Variants in ZNF568 observed in about 807,000 individuals in gnomAD.
The protein encoded by ZNF568 is p53 inhibitor of SCO2 activation.
A neutral mutation model predicts 18.1 loss-of-function variants in ZNF568; 11 were observed. That is an observed-to-expected ratio of 0.61 (90% CI 0.38 to 1.00). The LOEUF (loss-of-function observed/expected upper bound fraction) is 1.00. Ranked by LOEUF, ZNF568 falls within the 50% of genes least tolerant of loss-of-function variation. The probability of loss-of-function intolerance (pLI) is 0.01; values close to 1 mark genes in which losing one functional copy is unlikely to be tolerated. For synonymous variants in ZNF568, 213 were observed against 246.6 expected, an observed-to-expected ratio of 0.86 and a Z score of 1.28; for missense variants, 639 against 768.2, an observed-to-expected ratio of 0.83 and a Z score of 1.99.
intron 4 of ZNF568, among the ~76,000 whole-genome samples, chr19:36,935,248 C>T (rs185547444): frequency 6.6e-6 from 1 of 151,970 alleles, no homozygotes; most frequent in African/African-American, 2.4e-5. Context: ...TATAATCTGC[C>T]TAGTTGTATC....
intron 6 of ZNF568, among the ~76,000 whole-genome samples, chr19:36,974,235 C>G (rs1476538250): frequency 1.3e-5 from 2 of 152,134 alleles, no homozygotes; most frequent in African/African-American, 4.8e-5. Context: ...GGGGCTCTCC[C>G]AGGACTTCTC....
intron 4 of ZNF568, among the ~76,000 whole-genome samples, chr19:36,927,858 GTGTA>G (rs1349255642): frequency 9.8e-5 from 3 of 30,718 alleles, no homozygotes; most frequent in African/African-American, 1.8e-4. Context: ...GTGTGTGTGT[GTGTA>G]TATATATATA....
chr19:36,996,983 C>T (rs768432083), exon 5 of ZNF568: 6 of 1,544,386 alleles, frequency 3.9e-6, no homozygotes, highest in Non-Finnish European at 3.5e-6. Context: ...TGTGGGAAGG[C>T]CTTTACCCGT....
At chr19:36,978,953 T>C in intron 7 of ZNF568, 2 of 351,836 alleles carry the variant, frequency 5.7e-6, no homozygotes, top group South Asian at 2.1e-5. Flanking sequence ...GTATCTCTTA[T>C]AGTCGTTTTC....
At chr19:36,955,577 C>T (rs1330689079), downstream of ZNF568, among the ~76,000 whole-genome samples, 1 of 152,126 alleles carries the variant, frequency 6.6e-6, no homozygotes, top group African/African-American at 2.4e-5. Context: ...CTGAGACAGA[C>T]TTTGAAAAAA....
chr19:36,956,142 G>A (rs2074105442), downstream of ZNF568, among the ~76,000 whole-genome samples: 1 of 152,218 alleles, frequency 6.6e-6, no homozygotes, highest in Non-Finnish European at 1.5e-5. Flanking sequence ...GTGTCATCCT[G>A]ATCCCTGTGG....
intron 6 of ZNF568, among the ~76,000 whole-genome samples, chr19:36,957,780 T>C (rs867879053): frequency 3.9e-5 from 6 of 152,328 alleles, no homozygotes; most frequent in East Asian, 3.9e-4. Context: ...TCAAAGGCCA[T>C]GAAAGTACTG....
intron 6 of ZNF568, among the ~76,000 whole-genome samples, chr19:36,944,980 C>A (rs1322121350): frequency 1.3e-5 from 2 of 151,618 alleles, no homozygotes; most frequent in African/African-American, 2.4e-5. Context: ...AGGCTTGTTT[C>A]CAATTTTTTT....
At chr19:36,969,129 A>G (rs549170250) in intron 6 of ZNF568, among the ~76,000 whole-genome samples, 315 of 152,262 alleles carry the variant, frequency 2.1e-3, no homozygotes, top group Non-Finnish European at 3.7e-3. Flanking sequence ...TGCTGGGATT[A>G]CAGGTGTGAG....
chr19:36,982,250 C>G (rs892498088), downstream of ZNF568, among the ~76,000 whole-genome samples: 1 of 152,170 alleles, frequency 6.6e-6, no homozygotes, highest in African/African-American at 2.4e-5. Flanking sequence ...CTGTCTTATT[C>G]ACAGTTTTAG....
At chr19:36,946,028 G>A (rs745438925) in intron 6 of ZNF568, among the ~76,000 whole-genome samples, 1 of 151,996 alleles carries the variant, frequency 6.6e-6, no homozygotes, top group Non-Finnish European at 1.5e-5. Context: ...CCGGGAGGCG[G>A]AGGTTGCAGT....
At chr19:36,945,700 G>A (rs746632762) in intron 6 of ZNF568, among the ~76,000 whole-genome samples, 2 of 151,198 alleles carry the variant, frequency 1.3e-5, no homozygotes, top group Middle Eastern at 3.4e-3. Flanking sequence ...TGATATATGC[G>A]TGTATATGTA....
chr19:36,945,365 G>A (rs1042004446), intron 6 of ZNF568, among the ~76,000 whole-genome samples: 3 of 151,882 alleles, frequency 2.0e-5, no homozygotes, highest in East Asian at 1.9e-4. Context: ...CAGCAAGACC[G>A]ACCTCCTCCT....
chr19:36,946,654 T>G (rs1478112954), intron 6 of ZNF568, among the ~76,000 whole-genome samples: 223 of 144,422 alleles, frequency 1.5e-3, no homozygotes, highest in African/African-American at 4.9e-3. Flanking sequence ...GTTTCCTTTT[T>G]TTTTTTTTTT....
intron 4 of ZNF568, among the ~76,000 whole-genome samples, chr19:36,925,787 A>G (rs2073542652): frequency 6.6e-6 from 1 of 152,182 alleles, no homozygotes; most frequent in Non-Finnish European, 1.5e-5. Flanking sequence ...ATCACATTAT[A>G]TTAGGTTTTA....
chr19:36,927,815 T>G (rs1190475359), intron 4 of ZNF568, among the ~76,000 whole-genome samples: 1 of 119,778 alleles, frequency 8.3e-6, no homozygotes, highest in African/African-American at 3.4e-5. Context: ...ATATAAAAAA[T>G]ATATAAATAT....
chr19:36,959,888 C>G (rs971047582), intron 6 of ZNF568, among the ~76,000 whole-genome samples: 1 of 151,920 alleles, frequency 6.6e-6, no homozygotes, highest in Non-Finnish European at 1.5e-5. Context: ...TGGGTATTCT[C>G]TCTTCTTGGT....
At chr19:36,960,080 T>C (rs534483394) in intron 6 of ZNF568, among the ~76,000 whole-genome samples, 3 of 151,660 alleles carry the variant, frequency 2.0e-5, no homozygotes, top group East Asian at 3.9e-4. Flanking sequence ...TTGAGGTACA[T>C]TGTTAGAGTG....
chr19:36,954,572 CTTTT>C (rs11442560), downstream of ZNF568, among the ~76,000 whole-genome samples: 2 of 143,098 alleles, frequency 1.4e-5, no homozygotes, highest in African/African-American at 2.6e-5. Context: ...TATGTGTAAA[CTTTT>C]TTTTTTTTTT....
Sources: allele counts gnomAD v4.1 joint callset (sites outside exome capture counted in the v4.1 genomes callset), GRCh38; gene constraint gnomAD v4.1.1; transcripts MANE v1.5; gene names NCBI Gene and HGNC (gene_info 2026-07-23, HGNC 2026-07-21).